Variants in FAM124A observed in about 807,000 individuals in gnomAD.
FAM124A encodes family with sequence similarity 124 member A, also known as protein FAM124A.
A neutral mutation model predicts 24.5 loss-of-function variants in FAM124A; 23 were observed. That is an observed-to-expected ratio of 0.94 (90% CI 0.68 to 1.33). The LOEUF (loss-of-function observed/expected upper bound fraction) is 1.33. Among genes scored for constraint, FAM124A ranks in the 40% most tolerant of loss-of-function variants. The pLI is 0.00. For synonymous variants in FAM124A, 287 were observed against 314.7 expected (o/e 0.91, Z 0.93); for missense variants, 623 against 722.8 (o/e 0.86, Z 1.58).
intron 3 of FAM124A, among the ~76,000 whole-genome samples, chr13:51,269,999 A>G (rs74087433): frequency 0.064 from 9,700 of 152,212 alleles, 770 homozygotes; most frequent in African/African-American, 0.18. Context: ...AGAATCAGTG[A>G]GACAGTTCTG....
chr13:51,229,166 C>T (rs1286828451), intron 1 of FAM124A, among the ~76,000 whole-genome samples: 2 of 152,148 alleles, frequency 1.3e-5, no homozygotes, highest in Admixed American at 6.5e-5. Flanking sequence ...ACGGTGGACC[C>T]GGGTGAAAGT....
intron 3 of FAM124A, among the ~76,000 whole-genome samples, chr13:51,260,123 A>C (rs1954719429): frequency 6.6e-6 from 1 of 152,160 alleles, no homozygotes; most frequent in Admixed American, 6.5e-5. Flanking sequence ...AGGAACCTCC[A>C]GCCACTGAAA....
rs143266431 is a variant in FAM124A at position 51,252,258 on chromosome 13, G to T, written c.834+57G>T. 1.9e-6 allele frequency: 3 copies of T among 1,575,372 alleles called. No individual in the cohort carries two copies. The South Asian group carries it at 3.5e-5, about 18-fold the overall frequency. On this transcript the variant is annotated intron_variant, in intron 3 of 3. Coordinates refer to ENST00000322475, the MANE Select transcript of FAM124A (RefSeq NM_001242312.2). ...GGGACCTGAGAAACCAGTTAGCTTT[G>T]CCTCAAACACTATAGTACCAGTCAC...
intron 2 of FAM124A, among the ~76,000 whole-genome samples, chr13:51,249,935 C>T (rs1160798894): frequency 6.6e-6 from 1 of 152,202 alleles, no homozygotes; most frequent in African/African-American, 2.4e-5. Flanking sequence ...TCCCATAGTG[C>T]TTGGGCATAC....
At chr13:51,261,134 CG>C (rs1241974942) in intron 3 of FAM124A, among the ~76,000 whole-genome samples, 1 of 152,202 alleles carries the variant, frequency 6.6e-6, no homozygotes, top group Non-Finnish European at 1.5e-5. Flanking sequence ...AGCAGCTACT[CG>C]GTAAGCATTA....
intron 1 of FAM124A, 85 bp downstream of exon 1, chr13:51,222,654 C>A (rs1335626450): frequency 5.1e-6 from 6 of 1,165,372 alleles, no homozygotes; most frequent in Non-Finnish European, 6.4e-6. Context: ...CCCTCCTGAT[C>A]CGTGCGACGG....
chr13:51,228,140 G>A (rs1954335660), intron 1 of FAM124A, among the ~76,000 whole-genome samples: 1 of 152,020 alleles, frequency 6.6e-6, no homozygotes, highest in Non-Finnish European at 1.5e-5. Flanking sequence ...CAATTTTACA[G>A]GAATGCCAAG....
chr13:51,251,610 G>A lies in FAM124A; in HGVS notation c.243G>A (p.Val81=). 6.3e-7 allele frequency: 1 copy of A among 1,575,680 alleles called. No individual in the cohort carries two copies. The highest frequency in any genetic ancestry group is 8.6e-7 in the Non-Finnish European group (1 of 1,158,638). ...WIHPDLPLFR[V]SERRASRRRR... Reference sequence around the variant, plus strand: ...ACCCCGACCTCCCGCTGTTCCGGGTGTCCGAGAGGCGGGCGTCCCGGCGGC... The same window carrying A: ...ACCCCGACCTCCCGCTGTTCCGGGTATCCGAGAGGCGGGCGTCCCGGCGGC... Residue 81 remains valine (V), a synonymous_variant, in exon 3 of 4, where the codon GTG becomes GTA. Transcript: ENST00000322475. The surrounding 1 kb of genome is among the most constrained non-coding windows in gnomAD (Gnocchi z 5.3).
At chr13:51,245,378 A>C (rs1169621987) in intron 2 of FAM124A, 4 of 693,730 alleles carry the variant, frequency 5.8e-6, no homozygotes, top group African/African-American at 1.8e-5. Flanking sequence ...GACAAAGAAA[A>C]GGGAAGATGG....
intron 2 of FAM124A, among the ~76,000 whole-genome samples, chr13:51,237,906 AG>A (rs1230234044): frequency 6.6e-6 from 1 of 152,160 alleles, no homozygotes; most frequent in Admixed American, 6.5e-5. Context: ...CTGTGGAGAG[AG>A]GGCCCTGCTG....
intron 3 of FAM124A, chr13:51,253,355 A>G (rs551189403): frequency 5.3e-5 from 8 of 152,352 alleles, no homozygotes; most frequent in Admixed American, 1.3e-4. Flanking sequence ...TTCTCGTCAG[A>G]AAGGTCACCT....
chr13:51,239,845 AG>A (rs1156876648), intron 2 of FAM124A, among the ~76,000 whole-genome samples: 14 of 152,294 alleles, frequency 9.2e-5, no homozygotes, highest in African/African-American at 3.4e-4. Flanking sequence ...GATAGATAGT[AG>A]GTTTTTTAAA....
intron 3 of FAM124A, among the ~76,000 whole-genome samples, chr13:51,262,851 T>C (rs547472326): frequency 6.6e-6 from 1 of 152,316 alleles, no homozygotes; most frequent in East Asian, 1.9e-4. Flanking sequence ...AGTTACTATT[T>C]ACCCAGGCAA....
rs1266755858 is a variant in FAM124A at position 51,251,050 on chromosome 13, T to C, written c.101-418T>C. On this transcript the variant is annotated intron_variant, in intron 2 of 3. Transcript: ENST00000322475. The surrounding 1 kb of genome is among the most constrained non-coding windows in gnomAD (Gnocchi z 5.3). ...AGGGAACATGTATGGGGCAAGGCCC[T>C]GCAGCTATTTCAGGAAATACTAAAT... Among the ~76,000 whole-genome samples the C allele has an allele frequency of 6.6e-6, 1 of 151,848 alleles. No individual in the cohort carries two copies. The highest frequency in any genetic ancestry group is 1.5e-5 in the Non-Finnish European group (1 of 67,904).
At chr13:51,270,791 C>T (rs1356904433) in intron 3 of FAM124A, among the ~76,000 whole-genome samples, 1 of 152,208 alleles carries the variant, frequency 6.6e-6, no homozygotes, top group Non-Finnish European at 1.5e-5. Flanking sequence ...AGTCTTTGTC[C>T]TGTGGGCGGT....
intron 3 of FAM124A, among the ~76,000 whole-genome samples, chr13:51,271,230 C>T (rs903175253): frequency 6.6e-5 from 10 of 152,172 alleles, no homozygotes; most frequent in African/African-American, 1.7e-4. Context: ...CCGCCTCTCC[C>T]GCTAGCTTTC....
intron 2 of FAM124A, among the ~76,000 whole-genome samples, chr13:51,236,058 C>T (rs111594939): frequency 7.2e-4 from 109 of 152,306 alleles, no homozygotes; most frequent in African/African-American, 2.5e-3. Flanking sequence ...CAGATAGCCT[C>T]CCTTCCTGTC....
intron 2 of FAM124A, among the ~76,000 whole-genome samples, chr13:51,231,994 C>A (rs1014108847): frequency 1.3e-5 from 2 of 152,036 alleles, no homozygotes; most frequent in Non-Finnish European, 2.9e-5. Context: ...GTATGTATAA[C>A]CGATGTAGGT....
At chr13:51,261,452 C>T (rs1443893148) in intron 3 of FAM124A, among the ~76,000 whole-genome samples, 1 of 152,202 alleles carries the variant, frequency 6.6e-6, no homozygotes, top group Non-Finnish European at 1.5e-5. Flanking sequence ...AATAATTTCT[C>T]AGAGCATCAT....
Sources: gnomAD v4.1 joint callset for allele counts (sites outside exome capture counted in the v4.1 genomes callset) on GRCh38, gnomAD v4.1.1 for gene constraint, Gnocchi (gnomAD v3.1) non-coding constraint, MANE v1.5 for transcripts, NCBI Gene and HGNC (gene_info 2026-07-23, HGNC 2026-07-21) for gene names.